Variants in CSMD3 observed in about 807,000 individuals in gnomAD.
The protein encoded by CSMD3 is CUB and sushi domain-containing protein 3.
In CSMD3, 177 loss-of-function variants were observed where a neutral mutation model predicts 435.2. That is an observed-to-expected ratio of 0.41 (90% confidence interval 0.36 to 0.46). CSMD3 has a LOEUF of 0.46. CSMD3 is among the 20% of genes least tolerant of loss of function. The pLI is 0.34. For synonymous variants in CSMD3, 1,656 were observed against 1,520.5 expected (o/e 1.09, Z -2.07); for missense variants, 4,265 against 4,504.6 (o/e 0.95, Z 1.52).
chr8:112,225,264 A>C (rs1352836144), intron 70 of CSMD3, among the ~76,000 whole-genome samples: 1 of 152,104 alleles, frequency 6.6e-6, no homozygotes, highest in African/African-American at 2.4e-5. Context: ...TGATGGATTT[A>C]AGTCTCATCA....
intron 4 of CSMD3, among the ~76,000 whole-genome samples, chr8:113,140,287 A>G (rs1430265715): frequency 6.6e-6 from 1 of 150,862 alleles, no homozygotes; most frequent in East Asian, 1.9e-4. Context: ...GGTAAGAAAA[A>G]TTTTTAAAAA....
chr8:113,204,295 T>C (rs2092746773), intron 3 of CSMD3, among the ~76,000 whole-genome samples: 1 of 152,136 alleles, frequency 6.6e-6, no homozygotes, highest in African/African-American at 2.4e-5. Context: ...GGTATTTCCC[T>C]ATATCACAGA....
intron 3 of CSMD3, among the ~76,000 whole-genome samples, chr8:113,276,965 AT>A (rs1308541743): frequency 6.6e-6 from 1 of 152,046 alleles, no homozygotes; most frequent in East Asian, 1.9e-4. Flanking sequence ...CTATGAAAAT[AT>A]TTTTTAGTAT....
At chr8:112,581,372 T>C (rs1830323944) in intron 23 of CSMD3, among the ~76,000 whole-genome samples, 1 of 152,088 alleles carries the variant, frequency 6.6e-6, no homozygotes, top group Non-Finnish European at 1.5e-5. Context: ...TAAATTTGTG[T>C]AATGTTGATT....
chr8:112,759,372 T>C (rs1563933032), intron 13 of CSMD3, among the ~76,000 whole-genome samples: 1 of 152,142 alleles, frequency 6.6e-6, no homozygotes, highest in Non-Finnish European at 1.5e-5. Context: ...AAAAATTCTC[T>C]ATTAGTGTCA....
intron 38 of CSMD3, among the ~76,000 whole-genome samples, chr8:112,374,902 G>A (rs1178729251): frequency 6.6e-6 from 1 of 152,146 alleles, no homozygotes; most frequent in Non-Finnish European, 1.5e-5. Context: ...CTCTTAAGAA[G>A]TGTCTAGGGA....
At chr8:112,231,309 C>A (rs1001611634) in intron 69 of CSMD3, among the ~76,000 whole-genome samples, 2 of 152,086 alleles carry the variant, frequency 1.3e-5, no homozygotes, top group Admixed American at 6.6e-5. Context: ...GCCAGTTTGT[C>A]ATATTTATTA....
intron 59 of CSMD3, among the ~76,000 whole-genome samples, chr8:112,279,266 C>T (rs1818398157): frequency 6.6e-6 from 1 of 152,094 alleles, no homozygotes; most frequent in Non-Finnish European, 1.5e-5. Context: ...AGATACTGGG[C>T]CTCAAATTAC....
At chr8:113,329,277 T>C (rs1479238456) in intron 1 of CSMD3, among the ~76,000 whole-genome samples, 1 of 151,440 alleles carries the variant, frequency 6.6e-6, no homozygotes, top group Non-Finnish European at 1.5e-5. Context: ...ACCAAATAAA[T>C]AACACTATTA....
At chr8:113,085,285 G>T (rs1026086361) in intron 5 of CSMD3, among the ~76,000 whole-genome samples, 1 of 151,090 alleles carries the variant, frequency 6.6e-6, no homozygotes, top group Non-Finnish European at 1.5e-5. Context: ...GGGGGGCAAA[G>T]ATCTAAATAG....
chr8:112,352,780 T>A (rs1020719242), intron 38 of CSMD3, among the ~76,000 whole-genome samples: 4 of 152,174 alleles, frequency 2.6e-5, no homozygotes, highest in Admixed American at 2.6e-4. Context: ...TGTGTGAATA[T>A]ACCTAAATTG....
intron 38 of CSMD3, among the ~76,000 whole-genome samples, chr8:112,379,510 C>T (rs552064875): frequency 3.6e-4 from 55 of 151,916 alleles, no homozygotes; most frequent in Middle Eastern, 3.4e-3. Context: ...TAAATAGTGA[C>T]GAGAAAAGAT....
intron 5 of CSMD3, among the ~76,000 whole-genome samples, chr8:113,064,297 T>C (rs1012840563): frequency 6.6e-6 from 1 of 151,984 alleles, no homozygotes; most frequent in African/African-American, 2.4e-5. Flanking sequence ...AAACTGTATT[T>C]ATGAATACAA....
chr8:112,939,307 A>G (rs1242337914), intron 9 of CSMD3, among the ~76,000 whole-genome samples: 3 of 152,108 alleles, frequency 2.0e-5, no homozygotes, highest in Non-Finnish European at 2.9e-5. Flanking sequence ...TTAAATCTTC[A>G]TTCATTGGGA....
intron 3 of CSMD3, among the ~76,000 whole-genome samples, chr8:113,192,695 T>C (rs1467333145): frequency 6.6e-6 from 1 of 151,658 alleles, no homozygotes; most frequent in Non-Finnish European, 1.5e-5. Flanking sequence ...AGCTTTCTTT[T>C]GTTCTTATTT....
At chr8:112,445,864 C>T (rs1815542857) in intron 32 of CSMD3, among the ~76,000 whole-genome samples, 1 of 152,094 alleles carries the variant, frequency 6.6e-6, no homozygotes, top group Admixed American at 6.5e-5. Flanking sequence ...TTAATTCCTT[C>T]TGTATACCAC....
At chr8:113,086,520 TCAAA>T (rs2089785898) in intron 5 of CSMD3, among the ~76,000 whole-genome samples, 2 of 151,782 alleles carry the variant, frequency 1.3e-5, no homozygotes, top group Non-Finnish European at 2.9e-5. Context: ...CAAAATATAT[TCAAA>T]ATATATTATT....
At chr8:113,097,861 C>A (rs2090211971) in intron 5 of CSMD3, among the ~76,000 whole-genome samples, 1 of 151,958 alleles carries the variant, frequency 6.6e-6, no homozygotes, top group African/African-American at 2.4e-5. Context: ...TTTATCACCC[C>A]CCAGTCCATT....
chr8:112,880,503 G>C (rs763393805), intron 10 of CSMD3, among the ~76,000 whole-genome samples: 1 of 152,088 alleles, frequency 6.6e-6, no homozygotes, highest in African/African-American at 2.4e-5. Context: ...ACTGAATCTC[G>C]AAAAGTCAGG....
Sources: allele counts gnomAD v4.1 joint callset (sites outside exome capture counted in the v4.1 genomes callset), GRCh38; gene constraint gnomAD v4.1.1; transcripts MANE v1.5; gene names NCBI Gene and HGNC (gene_info 2026-07-23, HGNC 2026-07-21).